Variants in DPP6 observed in about 807,000 individuals in gnomAD.
DPP6 encodes the protein dipeptidyl peptidase like 6, also known as A-type potassium channel modulatory protein DPP6.
In DPP6, 69 loss-of-function variants were observed where a neutral mutation model predicts 122.6. The observed-to-expected ratio is 0.56, with a 90% CI of 0.46 to 0.69. DPP6 has a LOEUF of 0.69. Among genes scored for constraint, DPP6 ranks in the 30% least tolerant of loss-of-function variants. The pLI is 0.00. For missense variants in DPP6, 928 were observed against 1,116.9 expected (o/e 0.83, Z 2.41); for synonymous variants, 418 against 433.1 (o/e 0.97, Z 0.43).
intron 1 of DPP6, among the ~76,000 whole-genome samples, chr7:154,226,384 C>T (rs1800604694): frequency 6.6e-6 from 1 of 152,126 alleles, no homozygotes; most frequent in African/African-American, 2.4e-5. Context: ...TTCCTGACCA[C>T]AGCAGAAGAG....
At chr7:154,686,963 C>G (rs71534156) in intron 7 of DPP6, among the ~76,000 whole-genome samples, 3,489 of 152,244 alleles carry the variant, frequency 0.023, 49 homozygotes, top group Non-Finnish European at 0.035. Flanking sequence ...CCAGACCAAC[C>G]ACTCCTCTGA....
At chr7:154,538,887 A>G (rs761476358) in intron 3 of DPP6, among the ~76,000 whole-genome samples, 15 of 152,240 alleles carry the variant, frequency 9.9e-5, no homozygotes, top group Non-Finnish European at 1.8e-4. Flanking sequence ...TACCAGGAAA[A>G]TAAATGAAAA....
At chr7:153,774,828 G>T in the DPP6 span, among the ~76,000 whole-genome samples, 2 of 151,990 alleles carry the variant, frequency 1.3e-5, no homozygotes, top group Non-Finnish European at 2.9e-5. Context: ...AACTGGACGT[G>T]GTGATATGCA....
chr7:154,031,027 TC>T (rs1190012702), intron 1 of DPP6, among the ~76,000 whole-genome samples: 1 of 152,018 alleles, frequency 6.6e-6, no homozygotes, highest in Admixed American at 6.5e-5. Context: ...CACCAAGAGC[TC>T]ACATGCCCAA....
chr7:154,595,845 G>A (rs1427097410), intron 5 of DPP6, among the ~76,000 whole-genome samples: 1 of 152,218 alleles, frequency 6.6e-6, no homozygotes, highest in African/African-American at 2.4e-5. Flanking sequence ...CAGATCACAA[G>A]GTCAGGAGTT....
chr7:153,931,709 A>T (rs772355835), intron 1 of DPP6, among the ~76,000 whole-genome samples: 7 of 152,250 alleles, frequency 4.6e-5, no homozygotes, highest in Non-Finnish European at 8.8e-5. Context: ...TTTTCCTCAG[A>T]CAACAATTGA....
rs1200229035 is a variant in DPP6, at chr7:154,226,317, T to C, written c.243+173254T>C. Among the ~76,000 whole-genome samples the C allele has an allele frequency of 2.0e-5, 3 of 152,238 alleles. No individual in the cohort carries two copies. In the East Asian group the frequency reaches 5.8e-4, roughly 29 times the overall value. On this transcript the variant is annotated intron_variant, in intron 1 of 25. Transcript: ENST00000377770. ...GGTTCGATCTGGACAATTTTTGTCT[T>C]ATGCCAGATGTGAGTTGATGAATGT...
At chr7:154,846,741 A>T (rs944836377) in intron 16 of DPP6, among the ~76,000 whole-genome samples, 1 of 152,230 alleles carries the variant, frequency 6.6e-6, no homozygotes, top group African/African-American at 2.4e-5. Flanking sequence ...TGGACTCAAT[A>T]AATTATTATA....
In DPP6 at chr7:154,391,353, A is replaced by G. The variant is rs143571645; in HGVS notation, c.244-54861A>G. On this transcript the variant is annotated intron_variant, in intron 1 of 25. Coordinates refer to ENST00000377770, the MANE Select transcript of DPP6 (RefSeq NM_130797.4). ...TCCATCCCCAGTCTTCCCAGTCTGCATGGCTTCAGGTGTCACTTCTGGGTT... is the reference window on the plus strand; with the variant it reads ...TCCATCCCCAGTCTTCCCAGTCTGCGTGGCTTCAGGTGTCACTTCTGGGTT... Among the ~76,000 whole-genome samples, 657 of 152,194 alleles carry G rather than the reference A, an allele frequency of 4.3e-3. 4 individuals carry two copies. The highest frequency in any genetic ancestry group is 0.015 in the African/African-American group (615 of 41,516).
intron 1 of DPP6, among the ~76,000 whole-genome samples, chr7:153,923,752 C>T (rs910662495): frequency 8.0e-5 from 9 of 112,440 alleles, no homozygotes; most frequent in Non-Finnish European, 1.6e-4. Flanking sequence ...CAGAGCGAGA[C>T]TCCATCTCAA....
chr7:154,772,991 AAT>A, intron 10 of DPP6, 49 bp downstream of exon 10: 1 of 1,498,452 alleles, frequency 6.7e-7, no homozygotes, highest in Non-Finnish European at 8.9e-7. Flanking sequence ...AACTAAGATG[AAT>A]GTTCAATGTG....
chr7:154,555,823 C>T (rs1829997150), intron 4 of DPP6, among the ~76,000 whole-genome samples: 1 of 151,722 alleles, frequency 6.6e-6, no homozygotes, highest in Admixed American at 6.6e-5. Flanking sequence ...CTGACATGAA[C>T]TCCAGAAGAT....
At chr7:154,460,004 CAG>C (rs1249552479) in intron 2 of DPP6, among the ~76,000 whole-genome samples, 2 of 91,408 alleles carry the variant, frequency 2.2e-5, no homozygotes, top group Admixed American at 1.8e-4. Flanking sequence ...TTTTTTGAGA[CAG>C]AGTCTCATTC....
chr7:154,699,160 C>A (rs149815143), intron 7 of DPP6, among the ~76,000 whole-genome samples: 1 of 152,098 alleles, frequency 6.6e-6, no homozygotes, highest in Non-Finnish European at 1.5e-5. Context: ...TGGGATGATC[C>A]GGGAGACTTA....
intron 17 of DPP6, among the ~76,000 whole-genome samples, chr7:154,857,507 G>C (rs1317645547): frequency 6.6e-6 from 1 of 152,170 alleles, no homozygotes; most frequent in East Asian, 1.9e-4. Context: ...AGGCGTGTGG[G>C]GTTTCTTCAG....
chr7:154,517,882 C>A (rs911429010), intron 3 of DPP6, among the ~76,000 whole-genome samples: 4 of 152,232 alleles, frequency 2.6e-5, no homozygotes, highest in African/African-American at 9.6e-5. Flanking sequence ...CAATTTTCAA[C>A]ATCGTTTACC....
intron 1 of DPP6, among the ~76,000 whole-genome samples, chr7:154,130,100 A>AC (rs370469286): frequency 7.0e-6 from 1 of 142,078 alleles, no homozygotes; most frequent in African/African-American, 2.9e-5. Flanking sequence ...CCACACACAC[A>AC]AAAAAAAAAG....
At chr7:154,006,612 G>A (rs1480863389) in intron 1 of DPP6, among the ~76,000 whole-genome samples, 4 of 152,146 alleles carry the variant, frequency 2.6e-5, no homozygotes, top group South Asian at 4.1e-4. Flanking sequence ...AGCTCTGCAC[G>A]GACAGCTGGT....
chr7:154,463,567 C>G (rs1821520953), intron 2 of DPP6, among the ~76,000 whole-genome samples: 1 of 152,100 alleles, frequency 6.6e-6, no homozygotes, highest in Admixed American at 6.5e-5. Context: ...TGGGAATGTC[C>G]TGGGTCACAC....
Sources: allele counts gnomAD v4.1 joint callset (sites outside exome capture counted in the v4.1 genomes callset), GRCh38; gene constraint gnomAD v4.1.1; transcripts MANE v1.5; gene names NCBI Gene and HGNC (gene_info 2026-07-23, HGNC 2026-07-21).